Variants in DIS3L2 observed in about 807,000 individuals in gnomAD.
DIS3L2 encodes DIS3 like 3'-5' exoribonuclease 2.
Under a neutral mutation model 97.5 loss-of-function variants are expected in DIS3L2, and 34 were observed. The observed-to-expected ratio is 0.35, with a 90% CI of 0.27 to 0.46. The LOEUF is 0.46. DIS3L2 is among the 20% of genes least tolerant of loss of function. The pLI, the probability that DIS3L2 is intolerant of heterozygous loss-of-function variation, is 1.00. For missense variants in DIS3L2, 1,038 were observed against 1,146.0 expected, an observed-to-expected ratio of 0.91 and a Z score of 1.36; for synonymous variants, 435 against 445.2, an observed-to-expected ratio of 0.98 and a Z score of 0.29.
downstream of DIS3L2, among the ~76,000 whole-genome samples, chr2:232,339,211 C>A (rs1207959328): frequency 6.6e-6 from 1 of 152,200 alleles, no homozygotes; most frequent in African/African-American, 2.4e-5. Flanking sequence ...AATTACACAG[C>A]CTGGGGTGGC....
At chr2:232,320,897 A>G (rs1179938163) in intron 14 of DIS3L2, among the ~76,000 whole-genome samples, 1 of 152,172 alleles carries the variant, frequency 6.6e-6, no homozygotes, top group Non-Finnish European at 1.5e-5. Flanking sequence ...CCAGAGAAGG[A>G]CAGTCTGGAT....
At chr2:232,304,855 AT>A (rs1694946827) in intron 14 of DIS3L2, among the ~76,000 whole-genome samples, 1 of 152,010 alleles carries the variant, frequency 6.6e-6, no homozygotes, top group Non-Finnish European at 1.5e-5. Context: ...AGAAATTTTT[AT>A]CTATTATCTT....
Position 232,087,700 on chromosome 2 carries a change from T to G in DIS3L2, c.580T>G (p.Ser194Ala). 1 of 1,614,058 alleles carries G rather than the reference T, an allele frequency of 6.2e-7. No individual in the cohort carries two copies. Among genetic ancestry groups the G allele is most frequent in the South Asian group, 1.1e-5 (1 of 91,048 alleles). ...GCTGGTTGATGGTGTTAAGAAACTC[T>G]CAGTTTGTGTTTCTGAGAAAGGTGA... Reference protein sequence around the residue: ...NVLVDGVKKLSVCVSEKGRED... With the variant: ...NVLVDGVKKLAVCVSEKGRED... The change falls in exon 6 of 21, where the codon TCA (serine) becomes GCA (alanine). Residue 194 changes from serine (S) to alanine (A), a missense_variant. This residue lies in a region of DIS3L2 where 813 missense variants were observed against 880.1 expected (regional missense o/e 0.92). Coordinates refer to ENST00000325385, the MANE Select transcript of DIS3L2 (RefSeq NM_152383.5).
rs370363822 is a variant in DIS3L2, at chr2:232,048,470, C to T, written c.366+18390C>T. ...GTTGTAGGCCGGGCGCGGTGGCTCA[C>T]GCCTGTAATCCCAGCACTTTGGGAG... On this transcript the variant is annotated intron_variant, in intron 5 of 20. Transcript: ENST00000325385. 5.3e-5 allele frequency among the ~76,000 whole-genome samples: 8 copies of T among 152,298 alleles called. No individual in the cohort carries two copies. The South Asian group carries it at 6.2e-4, about 12-fold the overall frequency.
chr2:232,191,700 G>C (rs979420789), intron 9 of DIS3L2, among the ~76,000 whole-genome samples: 5 of 152,180 alleles, frequency 3.3e-5, no homozygotes, highest in African/African-American at 4.8e-5. Flanking sequence ...AGGTGACTTA[G>C]TGGAGTTATA....
At chr2:232,118,950 A>G (rs1254103066) in intron 6 of DIS3L2, among the ~76,000 whole-genome samples, 2 of 152,214 alleles carry the variant, frequency 1.3e-5, no homozygotes, top group African/African-American at 4.8e-5. Context: ...TTCTCCTTTA[A>G]TCTATCTAGC....
At chr2:232,170,974 T>A (rs953881493) in intron 9 of DIS3L2, among the ~76,000 whole-genome samples, 2 of 152,276 alleles carry the variant, frequency 1.3e-5, no homozygotes, top group African/African-American at 2.4e-5. Flanking sequence ...ACTAATGATC[T>A]TGCTGTTCAT....
intron 9 of DIS3L2, 28 bp downstream of exon 9, chr2:232,163,660 TA>T: frequency 6.2e-7 from 1 of 1,602,854 alleles, no homozygotes; most frequent in Non-Finnish European, 8.5e-7. Flanking sequence ...TTTAAGAACG[TA>T]TATCTCCCTT....
intron 5 of DIS3L2, among the ~76,000 whole-genome samples, chr2:232,042,892 A>T (rs1036728626): frequency 2.0e-5 from 3 of 152,256 alleles, no homozygotes; most frequent in Non-Finnish European, 4.4e-5. Flanking sequence ...GTGATGGCAC[A>T]TTCTAAGTGC....
chr2:232,181,632 T>A (rs544570738), intron 9 of DIS3L2, among the ~76,000 whole-genome samples: 41 of 151,726 alleles, frequency 2.7e-4, no homozygotes, highest in South Asian at 6.2e-4. Context: ...CTATTTTTTT[T>A]AATTTTTTAA....
intron 10 of DIS3L2, among the ~76,000 whole-genome samples, chr2:232,232,418 T>C (rs751639567): frequency 2.0e-5 from 3 of 152,134 alleles, no homozygotes; most frequent in Non-Finnish European, 2.9e-5. Flanking sequence ...AGGAGGTTGT[T>C]AGATATTTCT....
chr2:232,136,120 A>G (rs988997062), intron 7 of DIS3L2, among the ~76,000 whole-genome samples: 2 of 152,338 alleles, frequency 1.3e-5, no homozygotes, highest in South Asian at 4.1e-4. Context: ...TTTGTGTGAG[A>G]TACTAGTATT....
chr2:232,066,235 T>C (rs1695853223), intron 5 of DIS3L2, among the ~76,000 whole-genome samples: 1 of 151,968 alleles, frequency 6.6e-6, no homozygotes, highest in African/African-American at 2.4e-5. Context: ...AGGAAAGCCC[T>C]CTATCTTTCT....
At chr2:232,113,300 A>G (rs957679634) in intron 6 of DIS3L2, among the ~76,000 whole-genome samples, 4 of 152,172 alleles carry the variant, frequency 2.6e-5, no homozygotes, top group South Asian at 4.1e-4. Context: ...AAAGCTTTCA[A>G]ATCTTTACTT....
At chr2:232,126,289 G>GA (rs1337539832) in intron 6 of DIS3L2, among the ~76,000 whole-genome samples, 1 of 152,222 alleles carries the variant, frequency 6.6e-6, no homozygotes, top group Non-Finnish European at 1.5e-5. Context: ...CTGTATGTTA[G>GA]AAAGTATATT....
chr2:232,042,364 C>G (rs892742021), intron 5 of DIS3L2, among the ~76,000 whole-genome samples: 1 of 151,712 alleles, frequency 6.6e-6, no homozygotes, highest in Non-Finnish European at 1.5e-5. Flanking sequence ...TTAATCCAAT[C>G]TCTTATATAA....
intron 14 of DIS3L2, among the ~76,000 whole-genome samples, chr2:232,315,173 C>T (rs1251140510): frequency 6.6e-6 from 1 of 152,218 alleles, no homozygotes; most frequent in East Asian, 1.9e-4. Context: ...AACAGGGACA[C>T]TCAATTCCTG....
intron 1 of DIS3L2, among the ~76,000 whole-genome samples, chr2:231,999,995 C>G (rs115992282): frequency 0.013 from 2,023 of 152,016 alleles, 42 homozygotes; most frequent in African/African-American, 0.047. Context: ...GTATACTTGG[C>G]CCCTAGATAT....
At chr2:232,149,521 A>G (rs1464316548) in intron 8 of DIS3L2, among the ~76,000 whole-genome samples, 1 of 149,594 alleles carries the variant, frequency 6.7e-6, no homozygotes, top group African/African-American at 2.5e-5. Context: ...TACAAAGGAT[A>G]TGAACTCATC....
Sources: gnomAD v4.1 joint callset for allele counts (sites outside exome capture counted in the v4.1 genomes callset) on GRCh38, gnomAD v4.1.1 for gene constraint, gnomAD v4.1.1 regional missense constraint, MANE v1.5 for transcripts, NCBI Gene and HGNC (gene_info 2026-07-23, HGNC 2026-07-21) for gene names.